APLF: variants seen among roughly 807,000 people sequenced by gnomAD.
APLF encodes the protein aprataxin and PNKP like factor, also known as aprataxin and PNK-like factor.
Under a neutral mutation model 55.6 loss-of-function variants are expected in APLF, and 61 were observed. The observed-to-expected ratio is 1.10, with a 90% CI of 0.89 to 1.36. APLF has a LOEUF of 1.36. Among genes scored for constraint, APLF ranks in the 40% most tolerant of loss-of-function variants. The probability of loss-of-function intolerance (pLI) is 0.00; values close to 1 mark genes in which losing one functional copy is unlikely to be tolerated. For missense variants in APLF, 611 were observed against 602.5 expected, an observed-to-expected ratio of 1.01 and a Z score of -0.15; for synonymous variants, 207 against 214.8, an observed-to-expected ratio of 0.96 and a Z score of 0.32.
intron 2 of APLF, among the ~76,000 whole-genome samples, chr2:68,492,180 CAA>C (rs1676387552): frequency 6.6e-6 from 1 of 151,930 alleles, no homozygotes; most frequent in Non-Finnish European, 1.5e-5. Flanking sequence ...TGTGGCTATT[CAA>C]AAGAGTACTA....
At chr2:68,538,573 T>A (rs764125863) in intron 7 of APLF, among the ~76,000 whole-genome samples, 1 of 152,322 alleles carries the variant, frequency 6.6e-6, no homozygotes, top group Non-Finnish European at 1.5e-5. Flanking sequence ...ACAGAGTTGT[T>A]GTCTACAATA....
Position 68,515,636 on chromosome 2 carries a change from A to C in APLF, c.622+1956A>C, listed in dbSNP as rs1389246355. 7 of 984,956 alleles carry C rather than the reference A, an allele frequency of 7.1e-6. No individual in the cohort carries two copies. In the South Asian group the frequency reaches 3.3e-4, roughly 46 times the overall value. The allele number at this position is 984,956 out of a possible 1,614,324, so 61.0% of individuals were successfully genotyped here. On this transcript the variant is annotated intron_variant, in intron 5 of 9. Transcript: ENST00000303795. ...TTTTTGGGCACTTCTCTTTGAAAATACGAATGAGAGTAATTTGACATTGGT... is the reference window on the plus strand; with the variant it reads ...TTTTTGGGCACTTCTCTTTGAAAATCCGAATGAGAGTAATTTGACATTGGT...
intron 8 of APLF, among the ~76,000 whole-genome samples, chr2:68,565,523 A>G (rs1376690875): frequency 6.6e-6 from 1 of 151,532 alleles, no homozygotes; most frequent in African/African-American, 2.4e-5. Context: ...AGATACATAC[A>G]TACATACATA....
intron 1 of APLF, among the ~76,000 whole-genome samples, chr2:68,477,834 A>T (rs1244952084): frequency 6.6e-6 from 1 of 152,164 alleles, no homozygotes; most frequent in East Asian, 1.9e-4. Context: ...ACTCCCATTT[A>T]TAAAACCATC....
intron 8 of APLF, among the ~76,000 whole-genome samples, chr2:68,550,854 C>G (rs548122411): frequency 3.9e-5 from 6 of 152,156 alleles, no homozygotes; most frequent in East Asian, 1.9e-4. Flanking sequence ...AGTTATACCT[C>G]TGTACATTAA....
chr2:68,519,105 AAT>A (rs1439912082), intron 5 of APLF, among the ~76,000 whole-genome samples: 1 of 112,450 alleles, frequency 8.9e-6, no homozygotes, highest in African/African-American at 4.6e-5. Context: ...ATAATAATAT[AAT>A]ATATAATATA....
intron 8 of APLF, among the ~76,000 whole-genome samples, chr2:68,556,326 C>G (rs1014556373): frequency 2.0e-5 from 3 of 152,224 alleles, no homozygotes; most frequent in African/African-American, 7.2e-5. Context: ...AACCAAATAC[C>G]ACCTGTTCCC....
chr2:68,467,610 G>A lies in APLF; in HGVS notation c.-122G>A, dbSNP rs1384404321. 5 of 784,448 alleles carry A rather than the reference G, an allele frequency of 6.4e-6. No individual in the cohort carries two copies. Among genetic ancestry groups the A allele is most frequent in the Middle Eastern group, 2.6e-4 (1 of 3,902 alleles). 48.6% of individuals were successfully genotyped at this position (784,448 alleles called of 1,614,324 possible). On this transcript the variant is annotated 5_prime_UTR_variant, in exon 1 of 10. Coordinates refer to ENST00000303795, the MANE Select transcript of APLF (RefSeq NM_173545.3). ...GAGAGGACCGGCGCAGCCGCGGGGA[G>A]CCTTTGAGGCCCTCCCTCGGTGTTT...
intron 2 of APLF, among the ~76,000 whole-genome samples, chr2:68,497,071 A>G (rs1676571201): frequency 6.6e-6 from 1 of 152,176 alleles, no homozygotes; most frequent in Admixed American, 6.5e-5. Context: ...CTATAAAGAA[A>G]TACCTGAGAC....
At chr2:68,561,080 T>C (rs184881632) in intron 8 of APLF, among the ~76,000 whole-genome samples, 9 of 152,270 alleles carry the variant, frequency 5.9e-5, no homozygotes, top group Admixed American at 3.9e-4. Flanking sequence ...TTAATATTAA[T>C]TGACAGTGAC....
At chr2:68,565,032 A>G (rs1280964594) in intron 8 of APLF, among the ~76,000 whole-genome samples, 1 of 152,118 alleles carries the variant, frequency 6.6e-6, no homozygotes, top group South Asian at 2.1e-4. Flanking sequence ...AGTGCTTAAC[A>G]GTCACATACA....
intron 3 of APLF, among the ~76,000 whole-genome samples, chr2:68,505,308 C>A (rs1676843266): frequency 6.6e-6 from 1 of 151,908 alleles, no homozygotes; most frequent in African/African-American, 2.4e-5. Context: ...AAATGTGCAT[C>A]CTTATGAAAC....
At chr2:68,541,485 A>C (rs1670548384) in intron 7 of APLF, among the ~76,000 whole-genome samples, 1 of 152,218 alleles carries the variant, frequency 6.6e-6, no homozygotes, top group Non-Finnish European at 1.5e-5. Flanking sequence ...GGCACTGCAC[A>C]AAAGAGAACA....
chr2:68,496,255 C>T (rs1191326989), intron 2 of APLF, among the ~76,000 whole-genome samples: 1 of 152,174 alleles, frequency 6.6e-6, no homozygotes, highest in African/African-American at 2.4e-5. Context: ...GCGCGTGTCA[C>T]CACGCCCGGC....
intron 1 of APLF, among the ~76,000 whole-genome samples, chr2:68,471,327 G>A (rs1199324650): frequency 1.3e-5 from 2 of 152,170 alleles, no homozygotes; most frequent in Non-Finnish European, 2.9e-5. Flanking sequence ...CTGTTTTGTT[G>A]ATTGATAATT....
chr2:68,545,275 G>C lies in APLF; in HGVS notation c.1249G>C (p.Asp417His), dbSNP rs1035635393. 1.2e-6 allele frequency: 2 copies of C among 1,613,856 alleles called. No individual in the cohort carries two copies. The highest frequency in any genetic ancestry group is 1.7e-6 in the Non-Finnish European group (2 of 1,179,828). ...AATCGTGGGCCAAGATGAGACTGAT[G>C]ACCGGCCTGAATGTCCCTATGGACC... Reference protein sequence around the residue: ...VQIVGQDETDDRPECPYGPSC... With the variant: ...VQIVGQDETDHRPECPYGPSC... Residue 417 changes from aspartate to histidine, a missense_variant, in exon 8 of 10, where the codon GAC (aspartate) becomes CAC (histidine). By Grantham distance (81) the Asp-to-His change is moderately conservative. Transcript: ENST00000303795.
chr2:68,560,443 T>G (rs1322741141), intron 8 of APLF, among the ~76,000 whole-genome samples: 1 of 152,162 alleles, frequency 6.6e-6, no homozygotes, highest in Non-Finnish European at 1.5e-5. Context: ...AAATTTTCCA[T>G]TGGTTTATTA....
intron 8 of APLF, among the ~76,000 whole-genome samples, chr2:68,556,813 G>A (rs10181273): frequency 0.084 from 12,798 of 152,168 alleles, 606 homozygotes; most frequent in Middle Eastern, 0.12. Flanking sequence ...TGAGAGGGAA[G>A]GCCTTAGGAG....
chr2:68,509,624 T>G (rs932056877), intron 3 of APLF, among the ~76,000 whole-genome samples: 8 of 152,152 alleles, frequency 5.3e-5, no homozygotes, highest in Non-Finnish European at 7.4e-5. Context: ...TTGGTGGGAC[T>G]GTAAACTAGT....
Sources: allele counts gnomAD v4.1 joint callset (sites outside exome capture counted in the v4.1 genomes callset), GRCh38; gene constraint gnomAD v4.1.1; transcripts MANE v1.5; gene names NCBI Gene and HGNC (gene_info 2026-07-23, HGNC 2026-07-21).